Variants in ZBTB25 observed in about 807,000 individuals in gnomAD.
ZBTB25 encodes the protein zinc finger and BTB domain-containing protein 25.
A neutral mutation model predicts 34.2 loss-of-function variants in ZBTB25; 20 were observed. The ratio of observed to expected loss-of-function variants is 0.58; its 90% confidence interval spans 0.41 to 0.85. The LOEUF (loss-of-function observed/expected upper bound fraction) is 0.85. ZBTB25 is among the 40% of genes least tolerant of loss of function. The pLI is 0.00. For synonymous variants in ZBTB25, 175 were observed against 186.4 expected, an observed-to-expected ratio of 0.94 and a Z score of 0.50; for missense variants, 437 against 521.8, an observed-to-expected ratio of 0.84 and a Z score of 1.58.
intron 1 of ZBTB25, among the ~76,000 whole-genome samples, chr14:64,498,167 A>G (rs2079344021): frequency 6.6e-6 from 1 of 152,240 alleles, no homozygotes; most frequent in Non-Finnish European, 1.5e-5. Context: ...CAATGTTTGT[A>G]GAAATCATTT....
rs2078845854 is a variant in ZBTB25 at position 64,485,279 on chromosome 14, T to C, written c.*1644A>G. 1.0e-6 allele frequency: 1 copy of C among 985,336 alleles called. No homozygotes were observed. Among genetic ancestry groups the C allele is most frequent in the African/African-American group, 1.7e-5 (1 of 57,252 alleles). 61.0% of individuals were successfully genotyped at this position (985,336 alleles called of 1,614,324 possible). The stretch of plus-strand genomic sequence containing the variant: ...AGAAGTGGAGGGAGCTCAAGAGTTT[T>C]GTAAGTGGTTAAATTCTAAGGCTCA... On this transcript the variant is annotated 3_prime_UTR_variant, in exon 3 of 3. Coordinates refer to ENST00000608382, the MANE Select transcript of ZBTB25 (RefSeq NM_006977.5).
chr14:64,485,347 A>C lies in ZBTB25; in HGVS notation c.*1576T>G, dbSNP rs545190838. ...ATGTATTCAAATGCCCGTGAAGCTTAGAATTTAACAAGAGGGCAAAAAAAG... is the reference window on the plus strand; with the variant it reads ...ATGTATTCAAATGCCCGTGAAGCTTCGAATTTAACAAGAGGGCAAAAAAAG... On this transcript the variant is annotated 3_prime_UTR_variant, in exon 3 of 3. Transcript: ENST00000608382. The C allele has an allele frequency of 1.0e-6, 1 of 985,466 alleles. No individual in the cohort carries two copies. The highest frequency in any genetic ancestry group is 1.2e-6 in the Non-Finnish European group (1 of 829,926). The allele number at this position is 985,466 out of a possible 1,614,324, so 61.0% of individuals were successfully genotyped here. A position where few individuals can be genotyped will look rare whatever the true frequency, so the allele number is the denominator to read the frequency against.
chr14:64,490,324 A>C (rs2079036866), intron 2 of ZBTB25, 37 bp downstream of exon 2: 1 of 1,470,306 alleles, frequency 6.8e-7, no homozygotes, highest in East Asian at 2.3e-5. Flanking sequence ...ATAAATCACA[A>C]TATTAAAAAT....
At chr14:64,459,759 A>T (rs1232009686) in intron 2 of ZBTB25, 1 of 1,532,540 alleles carries the variant, frequency 6.5e-7, no homozygotes, top group Admixed American at 2.0e-5. Flanking sequence ...TTCCTTCCAG[A>T]TCACCATCCA....
At chr14:64,469,293 T>C in intron 2 of ZBTB25, 1 of 1,613,322 alleles carries the variant, frequency 6.2e-7, no homozygotes, top group Non-Finnish European at 8.5e-7. Context: ...ACAGAGATTG[T>C]AGCTGAAGAA....
intron 2 of ZBTB25, chr14:64,460,146 G>A: frequency 1.9e-6 from 1 of 534,086 alleles, no homozygotes; most frequent in Non-Finnish European, 3.3e-6. Context: ...GTTGTGTTTA[G>A]AGGGAAATGT....
At chr14:64,503,949 C>T (rs1477696949), upstream of ZBTB25, 2 of 152,188 alleles carry the variant, frequency 1.3e-5, no homozygotes, top group Admixed American at 1.3e-4. Context: ...AGTGCCGCCG[C>T]CACAGTTCGC....
At chr14:64,477,517 T>C (rs1204707245), downstream of ZBTB25, among the ~76,000 whole-genome samples, 1 of 152,132 alleles carries the variant, frequency 6.6e-6, no homozygotes, top group African/African-American at 2.4e-5. Flanking sequence ...TGTTGGGAAA[T>C]GAGAAGTGGT....
intron 2 of ZBTB25, chr14:64,469,660 A>G: frequency 6.3e-7 from 1 of 1,588,724 alleles, no homozygotes; most frequent in Non-Finnish European, 8.5e-7. Context: ...ATAATAAAAT[A>G]AACAATCTTC....
chr14:64,475,053 G>A (rs1461804225), downstream of ZBTB25, among the ~76,000 whole-genome samples: 1 of 152,132 alleles, frequency 6.6e-6, no homozygotes, highest in East Asian at 1.9e-4. Context: ...TACCTTAAAA[G>A]TCCTAAAACG....
intron 2 of ZBTB25, chr14:64,468,810 G>T: frequency 3.1e-6 from 5 of 1,614,204 alleles, no homozygotes; most frequent in Non-Finnish European, 4.2e-6. Flanking sequence ...CCAAAAAGGA[G>T]TAATCATTCC....
chr14:64,459,466 CTG>C (rs1314871916), intron 2 of ZBTB25, among the ~76,000 whole-genome samples: 10 of 151,250 alleles, frequency 6.6e-5, no homozygotes, highest in Non-Finnish European at 1.5e-4. Context: ...TAGAAGCAAA[CTG>C]TAGTTTGATG....
intron 2 of ZBTB25, chr14:64,459,642 G>A: frequency 1.2e-6 from 1 of 826,022 alleles, no homozygotes; most frequent in Non-Finnish European, 1.8e-6. Context: ...TGGCAGGAAA[G>A]GATGTAAATG....
At chr14:64,471,829 T>C (rs2078675472) in intron 2 of ZBTB25, 2 of 167,044 alleles carry the variant, frequency 1.2e-5, no homozygotes, top group African/African-American at 2.4e-5. Context: ...TGTGTATGGA[T>C]TGCATATAGA....
intron 1 of ZBTB25, among the ~76,000 whole-genome samples, chr14:64,500,476 AGAG>A (rs1187428938): frequency 4.7e-5 from 2 of 42,680 alleles, no homozygotes; most frequent in African/African-American, 9.8e-5. Flanking sequence ...AAAAAAAAAA[AGAG>A]AGAGAGAGAG....
At chr14:64,449,396 GTC>G in exon 3 of ZBTB25, 1 of 1,592,500 alleles carries the variant, frequency 6.3e-7, no homozygotes, top group Non-Finnish European at 8.6e-7. Flanking sequence ...AGACAATTCT[GTC>G]TCTCCAGCCA....
At chr14:64,466,275 T>C (rs2078612631) in intron 2 of ZBTB25, among the ~76,000 whole-genome samples, 1 of 152,264 alleles carries the variant, frequency 6.6e-6, no homozygotes, top group Non-Finnish European at 1.5e-5. Context: ...CAAAGTTTTA[T>C]TGTCTACAGA....
At position 64,485,744 on chromosome 14, in the gene ZBTB25, A is replaced by G; in HGVS notation, c.*1179T>C. 2.0e-6 allele frequency: 2 copies of G among 985,426 alleles called. No individual in the cohort carries two copies. The highest frequency in any genetic ancestry group is 9.4e-5 in the South Asian group (2 of 21,280). 61.0% of individuals were successfully genotyped at this position (985,426 alleles called of 1,614,324 possible). A position where few individuals can be genotyped will look rare whatever the true frequency, so the allele number is the denominator to read the frequency against. On this transcript the variant is annotated 3_prime_UTR_variant, in exon 3 of 3. Coordinates refer to ENST00000608382, the MANE Select transcript of ZBTB25 (RefSeq NM_006977.5). ...ATTAAAATCAACCCAGGAAGCCCCA[A>G]AAATCCTGACGCTGAGGGTAGAAAC...
At chr14:64,457,613 G>A (rs1289705532) in intron 2 of ZBTB25, among the ~76,000 whole-genome samples, 21 of 151,784 alleles carry the variant, frequency 1.4e-4, no homozygotes, top group Non-Finnish European at 5.9e-5. Flanking sequence ...ACGCCACCAT[G>A]CCCAGCTAAT....
Sources: gnomAD v4.1 joint callset for allele counts (sites outside exome capture counted in the v4.1 genomes callset) on GRCh38, gnomAD v4.1.1 for gene constraint, MANE v1.5 for transcripts, NCBI Gene and HGNC (gene_info 2026-07-23, HGNC 2026-07-21) for gene names.